The following NR6A1 variants were observed in gnomAD, a reference collection of about 807,000 sequenced individuals.
NR6A1 encodes nuclear receptor subfamily 6 group A member 1.
NR6A1 carries 7 observed loss-of-function variants against 59.1 expected under a neutral mutation model. The ratio of observed to expected loss-of-function variants is 0.12; its 90% CI spans 0.07 to 0.22. The LOEUF (loss-of-function observed/expected upper bound fraction) is 0.22, where lower values mean the gene tolerates loss of function less well. NR6A1 is among the 10% of genes least tolerant of loss of function. The pLI, the probability that NR6A1 is intolerant of heterozygous loss-of-function variation, is 1.00. For missense variants in NR6A1, 468 were observed against 611.6 expected (o/e 0.77, Z 2.48); for synonymous variants, 243 against 236.1 (o/e 1.03, Z -0.27).
intron 2 of NR6A1, among the ~76,000 whole-genome samples, chr9:124,574,634 G>A (rs10818979): frequency 0.62 from 93,821 of 151,988 alleles, 30,527 homozygotes; most frequent in African/African-American, 0.83. Flanking sequence ...GACAACCTTT[G>A]GAGTTTAATA....
At chr9:124,749,020 T>C (rs1463746823) in intron 1 of NR6A1, among the ~76,000 whole-genome samples, 1 of 152,180 alleles carries the variant, frequency 6.6e-6, no homozygotes, top group Admixed American at 6.5e-5. Context: ...CCCAGCACTT[T>C]GGGAGGCCAA....
At chr9:124,564,347 T>C (rs1233128205) in intron 2 of NR6A1, among the ~76,000 whole-genome samples, 1 of 152,178 alleles carries the variant, frequency 6.6e-6, no homozygotes, top group Non-Finnish European at 1.5e-5. Flanking sequence ...TCTACCTTTA[T>C]TCAACACTGT....
intron 1 of NR6A1, among the ~76,000 whole-genome samples, chr9:124,759,561 C>G (rs1323965354): frequency 1.3e-5 from 2 of 152,210 alleles, no homozygotes; most frequent in Non-Finnish European, 1.5e-5. Context: ...GGCTCATATT[C>G]CTGACTTGCC....
intron 1 of NR6A1, among the ~76,000 whole-genome samples, chr9:124,764,944 T>C (rs2131204832): frequency 6.6e-6 from 1 of 152,266 alleles, no homozygotes; most frequent in Non-Finnish European, 1.5e-5. Flanking sequence ...CCCATAGAAC[T>C]GACACCAACT....
intron 2 of NR6A1, among the ~76,000 whole-genome samples, chr9:124,620,043 A>G (rs1836019146): frequency 6.6e-6 from 1 of 152,214 alleles, no homozygotes; most frequent in African/African-American, 2.4e-5. Flanking sequence ...CCTGGGCAAC[A>G]AGAGCGAAAC....
intron 2 of NR6A1, among the ~76,000 whole-genome samples, chr9:124,651,020 A>C (rs1490333420): frequency 6.6e-6 from 1 of 152,116 alleles, no homozygotes; most frequent in Non-Finnish European, 1.5e-5. Context: ...GAGACCAAAA[A>C]ACAAGCAAAC....
intron 3 of NR6A1, among the ~76,000 whole-genome samples, chr9:124,551,259 A>C (rs1405085370): frequency 6.6e-6 from 1 of 152,156 alleles, no homozygotes; most frequent in Non-Finnish European, 1.5e-5. Context: ...GAGCTTGGAA[A>C]TATACATATG....
intron 2 of NR6A1, among the ~76,000 whole-genome samples, chr9:124,596,903 T>C (rs75246935): frequency 0.018 from 2,676 of 152,342 alleles, 70 homozygotes; most frequent in African/African-American, 0.059. Context: ...GAAACTGATT[T>C]CTGAGGATAA....
intron 1 of NR6A1, among the ~76,000 whole-genome samples, chr9:124,748,642 C>T (rs1373920140): frequency 1.3e-5 from 2 of 151,654 alleles, no homozygotes; most frequent in Non-Finnish European, 1.5e-5. Context: ...AGGCAGATCA[C>T]GAGGTCAGGA....
At chr9:124,743,556 C>G (rs1176188362) in intron 1 of NR6A1, among the ~76,000 whole-genome samples, 1 of 152,246 alleles carries the variant, frequency 6.6e-6, no homozygotes, top group Admixed American at 6.5e-5. Flanking sequence ...ACATTAATAA[C>G]TTCCATCTGA....
chr9:124,575,560 C>G (rs566145789), intron 2 of NR6A1, among the ~76,000 whole-genome samples: 11 of 152,132 alleles, frequency 7.2e-5, no homozygotes, highest in South Asian at 4.2e-4. Context: ...GGTGACAGAT[C>G]GAGACTCTGT....
At chr9:124,744,682 T>C (rs1054829150) in intron 1 of NR6A1, among the ~76,000 whole-genome samples, 1 of 152,232 alleles carries the variant, frequency 6.6e-6, no homozygotes. Context: ...CCAAGATGCC[T>C]GTCAGAAGCA....
chr9:124,526,272 TTGTGTGTATGTGTGTATGTGTG>T (rs1044248365), intron 8 of NR6A1, among the ~76,000 whole-genome samples: 7 of 150,176 alleles, frequency 4.7e-5, no homozygotes, highest in Admixed American at 4.6e-4. Context: ...CCATGCTTGA[TTGTGTGTATGTGTGTATGTGTG>T]TGTGTGTGTG....
In NR6A1 at chr9:124,771,240, G is replaced by T. The variant is rs1364033232; in HGVS notation, c.-121C>A. On this transcript the variant is annotated 5_prime_UTR_variant, in exon 1 of 10. Coordinates refer to ENST00000487099, the MANE Select transcript of NR6A1 (RefSeq NM_033334.4). ...AGGAGCCCGCGAGCTCCCGGCCGCGGCTCTCTCTGGGCCCCGAGCCGCCCG... is the reference window on the plus strand; with the variant it reads ...AGGAGCCCGCGAGCTCCCGGCCGCGTCTCTCTCTGGGCCCCGAGCCGCCCG... 1 of 499,396 alleles carries T rather than the reference G, an allele frequency of 2.0e-6. No homozygotes were observed. Among genetic ancestry groups the T allele is most frequent in the Admixed American group, 4.4e-5 (1 of 22,590 alleles). The allele number at this position is 499,396 out of a possible 1,614,324, so 30.9% of individuals were successfully genotyped here.
intron 2 of NR6A1, among the ~76,000 whole-genome samples, chr9:124,612,812 T>TCTTC (rs1461281822): frequency 6.9e-6 from 1 of 145,206 alleles, no homozygotes; most frequent in East Asian, 1.9e-4. Context: ...TTTCTTTCTT[T>TCTTC]CTTTCTTTTC....
At position 124,649,273 on chromosome 9, in the gene NR6A1, A is replaced by G. The variant is rs568218942; in HGVS notation, c.142+84035T>C. Among the ~76,000 whole-genome samples, 82 of 151,124 alleles carry G rather than the reference A, an allele frequency of 5.4e-4. 1 individual carries two copies. The South Asian group carries it at 0.017, about 31-fold the overall frequency. On this transcript the variant is annotated intron_variant, in intron 2 of 9. Coordinates refer to ENST00000487099, the MANE Select transcript of NR6A1 (RefSeq NM_033334.4). Reference sequence around the variant, plus strand: ...AAAAAAAAGACACATAGACCGATGGAACAGAATAGAGAACCCAGAATAAAT... The same window carrying G: ...AAAAAAAAGACACATAGACCGATGGGACAGAATAGAGAACCCAGAATAAAT...
At position 124,575,019 on chromosome 9, in the gene NR6A1, C is replaced by T. The variant is rs145423425; in HGVS notation, c.143-20449G>A. 3.2e-4 allele frequency among the ~76,000 whole-genome samples: 49 copies of T among 152,282 alleles called. 2 individuals are homozygous for T. The East Asian group carries it at 9.5e-3, about 29-fold the overall frequency. On this transcript the variant is annotated intron_variant, in intron 2 of 9. Transcript: ENST00000487099. ...CCTGTAATGGTAAGCTAGGTCTTTG[C>T]ACGAAACACAGACTTGTTTATTGCC...
chr9:124,575,333 G>A (rs997208760), intron 2 of NR6A1, among the ~76,000 whole-genome samples: 13 of 152,168 alleles, frequency 8.5e-5, no homozygotes, highest in Non-Finnish European at 1.3e-4. Context: ...TAGCACTTTG[G>A]GAGGCTAAGG....
chr9:124,682,450 A>G (rs1838195978), intron 2 of NR6A1, among the ~76,000 whole-genome samples: 1 of 152,214 alleles, frequency 6.6e-6, no homozygotes, highest in Non-Finnish European at 1.5e-5. Flanking sequence ...CCCAAACAGT[A>G]TATTGTAACA....
Sources: allele counts gnomAD v4.1 joint callset (sites outside exome capture counted in the v4.1 genomes callset), GRCh38; gene constraint gnomAD v4.1.1; transcripts MANE v1.5; gene names NCBI Gene and HGNC (gene_info 2026-07-23, HGNC 2026-07-21).